ST3GAL3: variants seen among roughly 807,000 people sequenced by gnomAD.
The protein encoded by ST3GAL3 is CMP-N-acetylneuraminate-beta-1,4-galactoside alpha-2,3-sialyltransferase.
In ST3GAL3, 21 loss-of-function variants were observed where a neutral mutation model predicts 50.1. That is an observed-to-expected ratio of 0.42 (90% CI 0.30 to 0.60). The LOEUF (loss-of-function observed/expected upper bound fraction) is 0.60, where lower values mean the gene tolerates loss of function less well. Ranked by LOEUF, ST3GAL3 falls within the 20% of genes least tolerant of loss-of-function variation. The pLI is 0.19. For synonymous variants in ST3GAL3, 183 were observed against 190.0 expected, an observed-to-expected ratio of 0.96 and a Z score of 0.30; for missense variants, 353 against 489.4, an observed-to-expected ratio of 0.72 and a Z score of 2.63.
chr1:43,832,300 G>A (rs1363378222), intron 4 of ST3GAL3, among the ~76,000 whole-genome samples: 1 of 152,214 alleles, frequency 6.6e-6, no homozygotes, highest in East Asian at 1.9e-4. Flanking sequence ...GCAGTGCCTA[G>A]CAGCAAGAGC....
intron 9 of ST3GAL3, among the ~76,000 whole-genome samples, chr1:43,917,410 T>A: frequency 7.9e-6 from 1 of 126,040 alleles, no homozygotes; most frequent in South Asian, 2.2e-4. Context: ...TTACCACTTT[T>A]TTGTTTCCCT....
chr1:43,749,741 T>C (rs56701980), intron 2 of ST3GAL3, among the ~76,000 whole-genome samples: 54,518 of 152,166 alleles, frequency 0.36, 10,760 homozygotes, highest in African/African-American at 0.53. Context: ...TGCAACAGTG[T>C]TGGGAGATGG....
intron 4 of ST3GAL3, chr1:43,824,776 A>G: frequency 3.7e-6 from 6 of 1,600,398 alleles, no homozygotes; most frequent in Non-Finnish European, 4.3e-6. Context: ...TTGACTGCAT[A>G]TTGGAATCAC....
chr1:43,858,136 G>T (rs545597258), intron 5 of ST3GAL3: 1 of 1,289,406 alleles, frequency 7.8e-7, no homozygotes, highest in Non-Finnish European at 1.0e-6. Context: ...CTTCCCCAGA[G>T]CTAAGAGAAA....
intron 2 of ST3GAL3, among the ~76,000 whole-genome samples, chr1:43,757,017 G>C (rs1029639579): frequency 6.6e-5 from 10 of 151,936 alleles, no homozygotes; most frequent in African/African-American, 2.2e-4. Flanking sequence ...GATTCTCCTG[G>C]CTCAGCACCC....
chr1:43,817,425 T>TCTTCTCCTC (rs1558434910), intron 4 of ST3GAL3, among the ~76,000 whole-genome samples: 7 of 4,470 alleles, frequency 1.6e-3, no homozygotes, highest in Non-Finnish European at 3.6e-3. Context: ...TCCTTCTCCT[T>TCTTCTCCTC]CTTCTCCTTC....
chr1:43,917,436 CATATATA>C (rs1182752163), intron 9 of ST3GAL3, among the ~76,000 whole-genome samples: 140 of 97,246 alleles, frequency 1.4e-3, no homozygotes, highest in African/African-American at 4.3e-3. Flanking sequence ...TACTATCTTG[CATATATA>C]ATATATAATA....
intron 2 of ST3GAL3, among the ~76,000 whole-genome samples, chr1:43,782,713 A>G (rs1015004704): frequency 2.0e-5 from 3 of 151,812 alleles, no homozygotes; most frequent in African/African-American, 4.8e-5. Flanking sequence ...TCAGTGCTTT[A>G]TGTTAATTTG....
intron 3 of ST3GAL3, chr1:43,801,669 A>G: frequency 4.4e-6 from 1 of 226,570 alleles, no homozygotes; most frequent in South Asian, 6.7e-5. Context: ...ACTGTGATGA[A>G]CAGGCCAGGT....
At chr1:43,880,030 C>T (rs1325053688) in intron 5 of ST3GAL3, among the ~76,000 whole-genome samples, 1 of 152,208 alleles carries the variant, frequency 6.6e-6, no homozygotes, top group Non-Finnish European at 1.5e-5. Context: ...AATCCTTGTC[C>T]CTGTCCCAGG....
intron 1 of ST3GAL3, among the ~76,000 whole-genome samples, chr1:43,728,460 G>T (rs530881184): frequency 6.6e-6 from 1 of 152,162 alleles, no homozygotes; most frequent in East Asian, 1.9e-4. Flanking sequence ...TTATATGTTG[G>T]GGGGGTGGGC....
chr1:43,790,702 G>T (rs2057958290), intron 2 of ST3GAL3, among the ~76,000 whole-genome samples: 1 of 150,182 alleles, frequency 6.7e-6, no homozygotes, highest in Non-Finnish European at 1.5e-5. Context: ...CATGATGTCG[G>T]CTCACTGCAA....
intron 3 of ST3GAL3, among the ~76,000 whole-genome samples, chr1:43,805,981 A>G (rs973336286): frequency 2.6e-5 from 4 of 152,038 alleles, no homozygotes; most frequent in Non-Finnish European, 5.9e-5. Flanking sequence ...TGATCCGCCC[A>G]CCTTGGCCTC....
intron 2 of ST3GAL3, among the ~76,000 whole-genome samples, chr1:43,765,800 C>T (rs1305691143): frequency 7.0e-6 from 1 of 143,266 alleles, no homozygotes; most frequent in African/African-American, 2.9e-5. Flanking sequence ...CGCGCGCGCG[C>T]GTCCGCGCGT....
chr1:43,909,964 T>C (rs1185222959), intron 9 of ST3GAL3, among the ~76,000 whole-genome samples: 1 of 152,240 alleles, frequency 6.6e-6, no homozygotes. Context: ...AAATAATGTG[T>C]TAAATTATCC....
chr1:43,813,917 A>G lies in ST3GAL3; in HGVS notation c.167-974A>G, dbSNP rs566507040. ...CACGCACACACGCACACACACACAC[A>G]CACACACACACACACACTGCAACTA... On this transcript the variant is annotated intron_variant, in intron 3 of 11. Coordinates refer to ENST00000347631, the MANE Select transcript of ST3GAL3 (RefSeq NM_006279.5). Among the ~76,000 whole-genome samples, 696 of 151,622 alleles carry G rather than the reference A, an allele frequency of 4.6e-3. 5 individuals carry two copies. The highest frequency in any genetic ancestry group is 0.016 in the African/African-American group (644 of 41,292).
chr1:43,740,777 C>A (rs143838577), intron 2 of ST3GAL3, among the ~76,000 whole-genome samples: 2 of 151,766 alleles, frequency 1.3e-5, no homozygotes, highest in Admixed American at 1.3e-4. Flanking sequence ...GATTGTGCCA[C>A]TGTACTCTAA....
chr1:43,782,873 G>A (rs1444953070), intron 2 of ST3GAL3, among the ~76,000 whole-genome samples: 1 of 151,960 alleles, frequency 6.6e-6, no homozygotes, highest in African/African-American at 2.4e-5. Flanking sequence ...GACCTGAAAT[G>A]GTATGAATGT....
intron 9 of ST3GAL3, among the ~76,000 whole-genome samples, chr1:43,907,400 G>T (rs2079982653): frequency 6.6e-6 from 1 of 152,164 alleles, no homozygotes; most frequent in African/African-American, 2.4e-5. Context: ...AGCCAAGGTG[G>T]TAACACATGG....
Sources: gnomAD v4.1 joint callset for allele counts (sites outside exome capture counted in the v4.1 genomes callset) on GRCh38, gnomAD v4.1.1 for gene constraint, MANE v1.5 for transcripts, NCBI Gene and HGNC (gene_info 2026-07-23, HGNC 2026-07-21) for gene names.